WDR41: variants seen among roughly 807,000 people sequenced by gnomAD.
The protein encoded by WDR41 is WD repeat-containing protein 41.
Under a neutral mutation model 69.3 loss-of-function variants are expected in WDR41, and 63 were observed. The ratio of observed to expected loss-of-function variants is 0.91; its 90% CI spans 0.74 to 1.12. The LOEUF is 1.12. WDR41 is among the 50% of genes most tolerant of loss of function. The probability of loss-of-function intolerance (pLI) is 0.00; values close to 1 mark genes in which losing one functional copy is unlikely to be tolerated. For missense variants in WDR41, 543 were observed against 534.5 expected (o/e 1.02, Z -0.16); for synonymous variants, 185 against 192.1 (o/e 0.96, Z 0.31).
intron 1 of WDR41, among the ~76,000 whole-genome samples, chr5:77,609,671 A>G (rs1172530436): frequency 6.6e-6 from 1 of 152,048 alleles, no homozygotes; most frequent in Admixed American, 6.6e-5. Flanking sequence ...CACCATCATC[A>G]AAGACCAAAA....
chr5:77,537,770 A>G (rs1743014500), intron 1 of WDR41, among the ~76,000 whole-genome samples: 1 of 152,198 alleles, frequency 6.6e-6, no homozygotes, highest in East Asian at 1.9e-4. Flanking sequence ...AATATAGAAA[A>G]TAAGAAAATA....
intron 2 of WDR41, among the ~76,000 whole-genome samples, chr5:77,482,511 A>C (rs908234095): frequency 2.0e-5 from 3 of 151,984 alleles, no homozygotes; most frequent in African/African-American, 4.8e-5. Context: ...GAGTTCTCAC[A>C]GTCTGGGTTT....
chr5:77,519,152 G>A (rs1182423703), intron 1 of WDR41, among the ~76,000 whole-genome samples: 2 of 151,830 alleles, frequency 1.3e-5, no homozygotes, highest in East Asian at 3.9e-4. Flanking sequence ...ATACAAAAAG[G>A]AAAATAATTA....
intron 5 of WDR41, among the ~76,000 whole-genome samples, chr5:77,458,023 C>T (rs1184496378): frequency 1.3e-5 from 2 of 151,996 alleles, no homozygotes; most frequent in African/African-American, 4.8e-5. Flanking sequence ...CTCTTTGTTC[C>T]TTCAAGCCAC....
intron 1 of WDR41, among the ~76,000 whole-genome samples, chr5:77,591,891 T>C (rs1012873050): frequency 4.6e-5 from 7 of 152,158 alleles, no homozygotes; most frequent in African/African-American, 1.7e-4. Flanking sequence ...TGTAATTATA[T>C]CAATTGAATT....
intron 1 of WDR41, among the ~76,000 whole-genome samples, chr5:77,521,250 A>C (rs1281538040): frequency 6.6e-6 from 1 of 152,168 alleles, no homozygotes; most frequent in Non-Finnish European, 1.5e-5. Context: ...GGAGCATGCA[A>C]CCTATATACC....
intron 1 of WDR41, among the ~76,000 whole-genome samples, chr5:77,583,840 T>C (rs1054105808): frequency 6.6e-6 from 1 of 152,078 alleles, no homozygotes; most frequent in Non-Finnish European, 1.5e-5. Flanking sequence ...TCTTTATAAA[T>C]ATGGATGCAA....
intron 1 of WDR41, among the ~76,000 whole-genome samples, chr5:77,619,755 GT>G (rs57834457): frequency 0.042 from 6,333 of 151,998 alleles, 225 homozygotes; most frequent in East Asian, 0.17. Context: ...TTGTTTTTTT[GT>G]TTTTTTAACA....
intron 8 of WDR41, among the ~76,000 whole-genome samples, chr5:77,447,731 CACAG>C (rs1175920758): frequency 6.6e-6 from 1 of 152,068 alleles, no homozygotes; most frequent in Non-Finnish European, 1.5e-5. Flanking sequence ...AACATATGGA[CACAG>C]AGAGGGGAAC....
chr5:77,467,379 C>T (rs982605829), intron 2 of WDR41, among the ~76,000 whole-genome samples: 1 of 151,944 alleles, frequency 6.6e-6, no homozygotes. Flanking sequence ...AGACACCTTA[C>T]ATGTGGTTCT....
At chr5:77,580,070 A>G (rs888490215) in intron 1 of WDR41, among the ~76,000 whole-genome samples, 1 of 148,420 alleles carries the variant, frequency 6.7e-6, no homozygotes, top group East Asian at 2.1e-4. Flanking sequence ...TAAGAGTAAC[A>G]TTGATAGATA....
chr5:77,478,888 C>G (rs1306534112), intron 2 of WDR41, among the ~76,000 whole-genome samples: 5 of 151,992 alleles, frequency 3.3e-5, no homozygotes, highest in Non-Finnish European at 7.4e-5. Context: ...GTCAAACTGT[C>G]CCTGTTTGTA....
intron 1 of WDR41, among the ~76,000 whole-genome samples, chr5:77,505,466 A>G (rs1386799969): frequency 6.6e-6 from 1 of 152,202 alleles, no homozygotes; most frequent in Non-Finnish European, 1.5e-5. Context: ...GGTAATTTAT[A>G]GATTCAGTGC....
chr5:77,446,422 C>A (rs1799382556), intron 8 of WDR41, among the ~76,000 whole-genome samples: 1 of 152,052 alleles, frequency 6.6e-6, no homozygotes, highest in Non-Finnish European at 1.5e-5. Context: ...AGAAAAAAAA[C>A]TATTTTAAAT....
intron 1 of WDR41, among the ~76,000 whole-genome samples, chr5:77,564,523 T>G (rs1743584279): frequency 6.6e-6 from 1 of 152,192 alleles, no homozygotes; most frequent in Non-Finnish European, 1.5e-5. Flanking sequence ...TTCAAAAGCC[T>G]CTAGTTCAAT....
chr5:77,503,368 T>G (rs1171326446), intron 1 of WDR41, among the ~76,000 whole-genome samples: 2 of 152,044 alleles, frequency 1.3e-5, no homozygotes, highest in Admixed American at 6.6e-5. Context: ...GGACCCAGAT[T>G]CATAAAGCAA....
In WDR41 at chr5:77,602,560, T is replaced by C. The variant is rs1250154195; in HGVS notation, c.42+17919A>G. ...CTTAACATCATGACCTCTAGATCCA[T>C]CCATGTTGCTGCAAATGACATGATT... On this transcript the variant is annotated intron_variant, in intron 1 of 5. Coordinates refer to the WDR41 transcript ENST00000509971. Among the ~76,000 whole-genome samples the C allele has an allele frequency of 3.3e-5, 5 of 152,232 alleles. No homozygotes were observed. The East Asian group carries it at 9.7e-4, about 29-fold the overall frequency.
chr5:77,554,357 G>A (rs992652950), intron 1 of WDR41, among the ~76,000 whole-genome samples: 4 of 152,144 alleles, frequency 2.6e-5, no homozygotes, highest in African/African-American at 9.7e-5. Flanking sequence ...CTAATCACCA[G>A]TGAGATGGTA....
At chr5:77,537,313 C>A (rs1242575978) in intron 1 of WDR41, among the ~76,000 whole-genome samples, 1 of 152,152 alleles carries the variant, frequency 6.6e-6, no homozygotes, top group Admixed American at 6.5e-5. Flanking sequence ...CAAGTTTTTA[C>A]TCACCAGTCC....
Sources: gnomAD v4.1 joint callset for allele counts (sites outside exome capture counted in the v4.1 genomes callset) on GRCh38, gnomAD v4.1.1 for gene constraint, MANE v1.5 for transcripts, NCBI Gene and HGNC (gene_info 2026-07-23, HGNC 2026-07-21) for gene names.